The following ADCY8 variants were observed in gnomAD, a reference collection of about 807,000 sequenced individuals.
ADCY8 encodes adenylate cyclase type 8.
Under a neutral mutation model 119.7 loss-of-function variants are expected in ADCY8, and 51 were observed. That is an observed-to-expected ratio of 0.43 (90% CI 0.34 to 0.54). ADCY8 has a LOEUF of 0.54. Ranked by LOEUF, ADCY8 falls within the 20% of genes least tolerant of loss-of-function variation. The pLI is 0.03. For missense variants in ADCY8, 1,383 were observed against 1,598.8 expected (o/e 0.87, Z 2.30); for synonymous variants, 665 against 651.0 (o/e 1.02, Z -0.33).
intron 7 of ADCY8, among the ~76,000 whole-genome samples, chr8:130,889,405 G>A (rs911265310): frequency 2.0e-5 from 3 of 151,958 alleles, no homozygotes; most frequent in African/African-American, 7.3e-5. Flanking sequence ...GCACTGATAA[G>A]TTCCACAGAA....
intron 7 of ADCY8, among the ~76,000 whole-genome samples, chr8:130,891,216 T>C (rs1411417508): frequency 6.6e-6 from 1 of 152,114 alleles, no homozygotes; most frequent in East Asian, 1.9e-4. Flanking sequence ...CTGCAGCCTT[T>C]GGGTTGTGGA....
chr8:130,871,098 C>T (rs1433480623), intron 8 of ADCY8, among the ~76,000 whole-genome samples: 1 of 152,104 alleles, frequency 6.6e-6, no homozygotes, highest in Non-Finnish European at 1.5e-5. Context: ...TCTGGAAATG[C>T]AAGGAGAGCA....
At chr8:131,015,697 A>T (rs904849896) in intron 1 of ADCY8, among the ~76,000 whole-genome samples, 20 of 152,218 alleles carry the variant, frequency 1.3e-4, no homozygotes, top group African/African-American at 3.1e-4. Context: ...TGATTTATTT[A>T]AAAAAATTAT....
At chr8:130,836,523 G>C in intron 11 of ADCY8, 74 bp from the exon 12 acceptor site, 1 of 1,471,952 alleles carries the variant, frequency 6.8e-7, no homozygotes, top group East Asian at 2.3e-5. Context: ...GATGCTAGTA[G>C]GTCTTACACA....
At chr8:130,972,418 A>G (rs773435826) in intron 2 of ADCY8, among the ~76,000 whole-genome samples, 24 of 152,216 alleles carry the variant, frequency 1.6e-4, no homozygotes, top group Non-Finnish European at 2.6e-4. Flanking sequence ...ACATACACAT[A>G]CAGACAATGA....
Position 130,780,367 on chromosome 8 carries a change from A to AAAG in ADCY8, c.*22_*23insCTT. On this transcript the variant is annotated 3_prime_UTR_variant, in exon 18 of 18. Coordinates refer to ENST00000286355, the MANE Select transcript of ADCY8 (RefSeq NM_001115.3). Reference sequence around the variant, plus strand: ...TTTATATATAAAAGAAATACAAAAAAAAAAAACAGAAAGAAAATGCTTTTA... The same window carrying AAAG: ...TTTATATATAAAAGAAATACAAAAAAAAGAAAAAACAGAAAGAAAATGCTTTTA... 6.4e-6 allele frequency: 9 copies of AAAG among 1,400,146 alleles called. No individual in the cohort carries two copies. The highest frequency in any genetic ancestry group is 8.4e-6 in the Non-Finnish European group (9 of 1,072,666). 86.7% of individuals were successfully genotyped at this position (1,400,146 alleles called of 1,614,324 possible). A position where few individuals can be genotyped will look rare whatever the true frequency, so the allele number is the denominator to read the frequency against.
intron 8 of ADCY8, among the ~76,000 whole-genome samples, chr8:130,875,122 G>T (rs1818513594): frequency 6.6e-6 from 1 of 152,056 alleles, no homozygotes; most frequent in Non-Finnish European, 1.5e-5. Context: ...CACACGAAAT[G>T]GTACTTGATA....
chr8:130,871,718 TC>T (rs1384623128), intron 8 of ADCY8, among the ~76,000 whole-genome samples: 1 of 152,210 alleles, frequency 6.6e-6, no homozygotes, highest in African/African-American at 2.4e-5. Context: ...GACTGATTTT[TC>T]CACCATGTTA....
At chr8:131,026,969 A>G (rs1349766249) in intron 1 of ADCY8, among the ~76,000 whole-genome samples, 2 of 152,182 alleles carry the variant, frequency 1.3e-5, no homozygotes, top group Non-Finnish European at 2.9e-5. Flanking sequence ...TTATAAAATG[A>G]AAAAATTGCA....
At chr8:130,990,016 G>A (rs747281604) in intron 2 of ADCY8, among the ~76,000 whole-genome samples, 1 of 151,840 alleles carries the variant, frequency 6.6e-6, no homozygotes, top group Admixed American at 6.6e-5. Flanking sequence ...AATTTGAATT[G>A]GTAAACAGAA....
chr8:131,031,002 G>T (rs757327396), intron 1 of ADCY8, among the ~76,000 whole-genome samples: 2 of 152,278 alleles, frequency 1.3e-5, no homozygotes, highest in Non-Finnish European at 2.9e-5. Flanking sequence ...GATGACATGA[G>T]ATGCAGCCAA....
chr8:130,847,429 G>T lies in ADCY8; in HGVS notation c.2497C>A (p.Pro833Thr), dbSNP rs747305191. 1.9e-6 allele frequency: 3 copies of T among 1,610,196 alleles called. No homozygotes were observed. Among genetic ancestry groups the T allele is most frequent in the Admixed American group, 1.7e-5 (1 of 59,820 alleles). ...GGGAGCTCATAAATAAATACCTCTG[G>T]GTAGGAGCAGATATCTGTAAACACA... is the stretch of plus-strand genomic sequence containing the variant. The part of the protein sequence containing the change: ...SAVFTDICSY[P>T]EYFVFTGVLA... Residue 833 changes from proline to threonine, a missense_variant, in exon 11 of 18, where the codon CCA (proline) becomes ACA (threonine). Physicochemically the swap from Pro to Thr is conservative, Grantham distance 38. This residue lies in a region of ADCY8 where 928 missense variants were observed against 1,163.5 expected (regional missense o/e 0.80). Transcript: ENST00000286355.
intron 16 of ADCY8, 119 bp downstream of exon 16, chr8:130,785,264 T>G: frequency 4.8e-6 from 3 of 624,546 alleles, no homozygotes; most frequent in Non-Finnish European, 5.3e-6. Flanking sequence ...ATCCAGTCCA[T>G]TAGATTTTCT....
intron 7 of ADCY8, among the ~76,000 whole-genome samples, chr8:130,889,896 A>G (rs191490368): frequency 4.6e-5 from 7 of 152,264 alleles, no homozygotes; most frequent in Non-Finnish European, 7.4e-5. Context: ...TAAAAAACAA[A>G]TAAGACATCA....
At chr8:130,850,940 G>A (rs973643201) in intron 9 of ADCY8, among the ~76,000 whole-genome samples, 3 of 152,112 alleles carry the variant, frequency 2.0e-5, no homozygotes, top group Non-Finnish European at 4.4e-5. Flanking sequence ...AACCAAAGAG[G>A]TCTTTTTATC....
Position 131,019,821 on chromosome 8 carries a change from C to G in ADCY8, c.960+19553G>C, listed in dbSNP as rs1352943657. ...ATTCTCTCTCTCTCTCTCTCTCTCT[C>G]TCTCTCTCTCTCTCTCTGTCTGTCT... On this transcript the variant is annotated intron_variant, in intron 1 of 17. Transcript: ENST00000286355. Among the ~76,000 whole-genome samples, 88 of 125,390 alleles carry G rather than the reference C, an allele frequency of 7.0e-4. 1 individual carries two copies. The highest frequency in any genetic ancestry group is 2.6e-3 in the African/African-American group (78 of 30,048). 82.3% of individuals were successfully genotyped at this position (125,390 alleles called of 152,430 possible).
At chr8:130,823,413 A>C (rs1276487063) in intron 12 of ADCY8, among the ~76,000 whole-genome samples, 1 of 152,202 alleles carries the variant, frequency 6.6e-6, no homozygotes, top group Non-Finnish European at 1.5e-5. Context: ...AAGAACTTCC[A>C]AAGAGAGCCA....
At chr8:131,009,619 A>G (rs1249907118) in intron 1 of ADCY8, among the ~76,000 whole-genome samples, 1 of 152,180 alleles carries the variant, frequency 6.6e-6, no homozygotes, top group Non-Finnish European at 1.5e-5. Flanking sequence ...AATCTTGGGC[A>G]TTTCTTCATA....
chr8:131,015,018 T>C (rs995028585), intron 1 of ADCY8, among the ~76,000 whole-genome samples: 2 of 121,458 alleles, frequency 1.6e-5, no homozygotes, highest in African/African-American at 5.7e-5. Flanking sequence ...ATGTGGAGTA[T>C]TCTGGGCACA....
Sources: gnomAD v4.1 joint callset for allele counts (sites outside exome capture counted in the v4.1 genomes callset) on GRCh38, gnomAD v4.1.1 for gene constraint, gnomAD v4.1.1 regional missense constraint, MANE v1.5 for transcripts, NCBI Gene and HGNC (gene_info 2026-07-23, HGNC 2026-07-21) for gene names.